The following CCDC91 variants were observed in gnomAD, a reference collection of about 807,000 sequenced individuals.
CCDC91 encodes coiled-coil domain-containing protein 91.
In CCDC91, 48 loss-of-function variants were observed where a neutral mutation model predicts 63.2. The observed-to-expected ratio is 0.76, with a 90% CI of 0.60 to 0.97. The LOEUF is 0.97. CCDC91 is among the 50% of genes least tolerant of loss of function. CCDC91 has a pLI of 0.00. For missense variants in CCDC91, 500 were observed against 494.6 expected (o/e 1.01, Z -0.10); for synonymous variants, 167 against 165.8 (o/e 1.01, Z -0.06).
chr12:28,524,239 G>A (rs1592952457), intron 12 of CCDC91, among the ~76,000 whole-genome samples: 1 of 152,110 alleles, frequency 6.6e-6, no homozygotes, highest in Admixed American at 6.6e-5. Context: ...TCCCCGTTCA[G>A]TATTATGTTG....
intron 7 of CCDC91, among the ~76,000 whole-genome samples, chr12:28,367,780 A>ATT (rs879530401): frequency 6.7e-6 from 1 of 148,828 alleles, no homozygotes; most frequent in African/African-American, 2.5e-5. Flanking sequence ...TTTTGTGAGG[A>ATT]TTTTTTTTTT....
At chr12:28,354,539 C>T (rs1002125581) in intron 6 of CCDC91, among the ~76,000 whole-genome samples, 4 of 152,110 alleles carry the variant, frequency 2.6e-5, no homozygotes, top group Non-Finnish European at 5.9e-5. Context: ...CTACAAGTAC[C>T]ACTTTTAGTA....
At chr12:28,208,162 T>G (rs1249940964) in intron 1 of CCDC91, among the ~76,000 whole-genome samples, 6 of 152,194 alleles carry the variant, frequency 3.9e-5, no homozygotes, top group Non-Finnish European at 8.8e-5. Flanking sequence ...CCTCTCCATC[T>G]TTCATGAACC....
intron 6 of CCDC91, among the ~76,000 whole-genome samples, chr12:28,354,115 T>C (rs1025109921): frequency 7.9e-5 from 12 of 152,182 alleles, no homozygotes; most frequent in African/African-American, 2.7e-4. Flanking sequence ...ATGAATTACA[T>C]GCACTTAGTG....
chr12:28,414,880 G>T (rs1378077611), intron 8 of CCDC91, among the ~76,000 whole-genome samples: 2 of 152,118 alleles, frequency 1.3e-5, no homozygotes, highest in African/African-American at 2.4e-5. Flanking sequence ...ACACAAATGA[G>T]ATACTCCATA....
chr12:28,520,272 G>GTGAGA (rs1940473787), intron 12 of CCDC91, among the ~76,000 whole-genome samples: 1 of 152,156 alleles, frequency 6.6e-6, no homozygotes, highest in African/African-American at 2.4e-5. Flanking sequence ...TCTAACTGGT[G>GTGAGA]TGAGATGGTG....
intron 1 of CCDC91, among the ~76,000 whole-genome samples, chr12:28,234,778 T>G (rs1307654256): frequency 6.6e-6 from 1 of 152,100 alleles, no homozygotes; most frequent in Non-Finnish European, 1.5e-5. Flanking sequence ...TTTTTAAAGT[T>G]TCAGTATCTT....
intron 8 of CCDC91, among the ~76,000 whole-genome samples, chr12:28,426,700 T>C (rs1304603658): frequency 1.3e-5 from 2 of 152,152 alleles, no homozygotes; most frequent in Non-Finnish European, 2.9e-5. Flanking sequence ...TATCCATCCA[T>C]TCTTGCATAT....
intron 12 of CCDC91, among the ~76,000 whole-genome samples, chr12:28,518,961 A>T (rs1940270989): frequency 1.3e-5 from 2 of 151,792 alleles, no homozygotes; most frequent in Admixed American, 1.3e-4. Context: ...TCAGTTGGCT[A>T]TAAGTATTTG....
chr12:28,288,323 A>G (rs966128230), intron 3 of CCDC91, among the ~76,000 whole-genome samples: 5 of 152,114 alleles, frequency 3.3e-5, no homozygotes, highest in Non-Finnish European at 7.4e-5. Flanking sequence ...ATTCAGTATG[A>G]TGTTGGCTGT....
intron 1 of CCDC91, among the ~76,000 whole-genome samples, chr12:28,256,495 A>G (rs1946460328): frequency 6.6e-6 from 1 of 151,342 alleles, no homozygotes; most frequent in Non-Finnish European, 1.5e-5. Flanking sequence ...ATATACATTT[A>G]GGACTAAAAA....
At chr12:28,458,986 G>A (rs1950185239) in intron 11 of CCDC91, among the ~76,000 whole-genome samples, 1 of 152,028 alleles carries the variant, frequency 6.6e-6, no homozygotes. Context: ...AAACTACTTA[G>A]CATAAAATAT....
chr12:28,203,624 A>G lies in CCDC91; in HGVS notation c.-15+12983A>G, dbSNP rs181819401. Among the ~76,000 whole-genome samples, 233 of 152,324 alleles carry G rather than the reference A, an allele frequency of 1.5e-3. 2 individuals carry two copies. The highest frequency in any genetic ancestry group is 5.2e-3 in the African/African-American group (218 of 41,584). On this transcript the variant is annotated intron_variant, in intron 1 of 12. Coordinates refer to ENST00000536442, the MANE Select transcript of CCDC91 (RefSeq NM_018318.5). ...AAAATTACAATCTGTTCCTAAATTT[A>G]GGGAGGTGTCTGCAGTATAGTTAGG...
Position 28,200,912 on chromosome 12 carries a change from G to A in CCDC91, c.-15+10271G>A, listed in dbSNP as rs546369212. Among the ~76,000 whole-genome samples, 16 of 129,892 alleles carry A rather than the reference G, an allele frequency of 1.2e-4. No individual in the cohort carries two copies. In the East Asian group the frequency reaches 1.7e-3, roughly 14 times the overall value. The allele number at this position is 129,892 out of a possible 152,430, so 85.2% of individuals were successfully genotyped here. On this transcript the variant is annotated intron_variant, in intron 1 of 12. Coordinates refer to ENST00000536442, the MANE Select transcript of CCDC91 (RefSeq NM_018318.5). Reference sequence around the variant, plus strand: ...GCTGGCCGGGCGGGGGGCTGACCCCGCCACCTCCCTTCCGGACGGGGCGGC... The same window carrying A: ...GCTGGCCGGGCGGGGGGCTGACCCCACCACCTCCCTTCCGGACGGGGCGGC...
At chr12:28,259,333 C>CT (rs1946663330) in intron 2 of CCDC91, 31 bp from the exon 3 acceptor site, 2 of 1,552,466 alleles carry the variant, frequency 1.3e-6, no homozygotes, top group African/African-American at 1.4e-5. Context: ...CTTTTCACAT[C>CT]TTCTAAAATA....
chr12:28,384,971 T>C (rs1945511752), intron 7 of CCDC91, among the ~76,000 whole-genome samples: 1 of 152,074 alleles, frequency 6.6e-6, no homozygotes, highest in African/African-American at 2.4e-5. Context: ...CAATTTAATA[T>C]CCTTACAAAA....
intron 8 of CCDC91, among the ~76,000 whole-genome samples, chr12:28,404,833 TA>T (rs1228341316): frequency 1.3e-5 from 2 of 152,072 alleles, no homozygotes; most frequent in Non-Finnish European, 1.5e-5. Context: ...AGTGTTACCA[TA>T]ATACCTCTGT....
intron 12 of CCDC91, among the ~76,000 whole-genome samples, chr12:28,522,490 G>A (rs1038597966): frequency 8.6e-5 from 13 of 152,042 alleles, no homozygotes; most frequent in African/African-American, 3.1e-4. Context: ...GTTGATAGCG[G>A]TCTATCAATT....
intron 12 of CCDC91, among the ~76,000 whole-genome samples, chr12:28,541,196 A>G (rs1942605724): frequency 6.6e-6 from 1 of 152,194 alleles, no homozygotes; most frequent in Non-Finnish European, 1.5e-5. Flanking sequence ...TCACCTGTGC[A>G]TAGCAGGGAG....
Sources: allele counts gnomAD v4.1 joint callset (sites outside exome capture counted in the v4.1 genomes callset), GRCh38; gene constraint gnomAD v4.1.1; transcripts MANE v1.5; gene names NCBI Gene and HGNC (gene_info 2026-07-23, HGNC 2026-07-21).